The following DNER variants were observed in gnomAD, a reference collection of about 807,000 sequenced individuals.
DNER encodes delta and Notch-like epidermal growth factor-related receptor.
Under a neutral mutation model 78.2 loss-of-function variants are expected in DNER, and 33 were observed. The ratio of observed to expected loss-of-function variants is 0.42; its 90% CI spans 0.32 to 0.56. DNER has a LOEUF of 0.56. DNER is among the 20% of genes least tolerant of loss of function. The probability of loss-of-function intolerance (pLI) is 0.11; values close to 1 mark genes in which losing one functional copy is unlikely to be tolerated. For synonymous variants in DNER, 417 were observed against 384.8 expected (o/e 1.08, Z -0.98); for missense variants, 918 against 975.3 (o/e 0.94, Z 0.78).
chr2:229,598,309 C>T lies in DNER; in HGVS notation c.277-6421G>A, dbSNP rs559951690. Among the ~76,000 whole-genome samples, 4 of 152,356 alleles carry T rather than the reference C, an allele frequency of 2.6e-5. No individual in the cohort carries two copies. In the South Asian group the frequency reaches 8.3e-4, roughly 32 times the overall value. ...TTTTACAGACAACTCAATATGGCCA[C>T]TCAGCAATTCATGTGACATTTATCA... On this transcript the variant is annotated intron_variant, in intron 1 of 12. Transcript: ENST00000341772.
intron 1 of DNER, among the ~76,000 whole-genome samples, chr2:229,660,613 G>T (rs1194542593): frequency 3.3e-5 from 5 of 152,166 alleles, no homozygotes; most frequent in Non-Finnish European, 7.3e-5. Flanking sequence ...TGGTTGGGCA[G>T]AAAGGGAAGT....
chr2:229,540,712 A>G (rs377616187), intron 5 of DNER, among the ~76,000 whole-genome samples: 294 of 152,364 alleles, frequency 1.9e-3, no homozygotes, highest in Middle Eastern at 6.8e-3. Context: ...GAGATGTCAC[A>G]GAAGTCAGGA....
intron 8 of DNER, among the ~76,000 whole-genome samples, chr2:229,418,707 C>A (rs1292123952): frequency 6.6e-6 from 1 of 151,970 alleles, no homozygotes; most frequent in Non-Finnish European, 1.5e-5. Flanking sequence ...ATCACTTGAG[C>A]TCAGGAGTTC....
chr2:229,460,495 C>T (rs1397846298), intron 7 of DNER, among the ~76,000 whole-genome samples: 2 of 151,570 alleles, frequency 1.3e-5, no homozygotes, highest in African/African-American at 4.9e-5. Flanking sequence ...AAATACAAAC[C>T]TAAAGCCATA....
chr2:229,419,267 G>C (rs1559346611), intron 8 of DNER, among the ~76,000 whole-genome samples: 1 of 152,166 alleles, frequency 6.6e-6, no homozygotes, highest in South Asian at 2.1e-4. Context: ...TCATTCATGA[G>C]GGTTATGCTG....
At chr2:229,639,246 A>G (rs563841635) in intron 1 of DNER, among the ~76,000 whole-genome samples, 8 of 152,294 alleles carry the variant, frequency 5.3e-5, no homozygotes, top group South Asian at 2.1e-4. Flanking sequence ...TTTTCCCTCC[A>G]ACCATTTTAT....
At chr2:229,445,992 T>C (rs1431765760) in intron 8 of DNER, among the ~76,000 whole-genome samples, 1 of 152,236 alleles carries the variant, frequency 6.6e-6, no homozygotes, top group Non-Finnish European at 1.5e-5. Flanking sequence ...TCTCAGTAAC[T>C]TGTTGAGTTA....
intron 11 of DNER, among the ~76,000 whole-genome samples, chr2:229,386,603 A>G (rs1692870829): frequency 6.6e-6 from 1 of 151,956 alleles, no homozygotes; most frequent in African/African-American, 2.4e-5. Flanking sequence ...AGAATCTACA[A>G]AGAACTTAAA....
chr2:229,634,642 T>C (rs540815624), intron 1 of DNER, among the ~76,000 whole-genome samples: 9 of 152,166 alleles, frequency 5.9e-5, no homozygotes, highest in Admixed American at 4.6e-4. Context: ...TTAAAAAAAA[T>C]AGATTGGCAT....
chr2:229,622,655 T>A (rs777342151), intron 1 of DNER, among the ~76,000 whole-genome samples: 5 of 152,162 alleles, frequency 3.3e-5, no homozygotes, highest in Non-Finnish European at 5.9e-5. Context: ...AGGGTCTTTG[T>A]GGACATAGTT....
At chr2:229,448,189 A>G (rs190167798) in intron 7 of DNER, among the ~76,000 whole-genome samples, 198 of 152,336 alleles carry the variant, frequency 1.3e-3, no homozygotes, top group African/African-American at 4.4e-3. Flanking sequence ...CAGCAATAAA[A>G]AAAAAAATAA....
intron 11 of DNER, among the ~76,000 whole-genome samples, chr2:229,368,706 T>G (rs747535833): frequency 2.0e-5 from 3 of 152,200 alleles, no homozygotes; most frequent in Admixed American, 6.5e-5. Flanking sequence ...ATTTAATCAT[T>G]ATAACCACCA....
At chr2:229,695,749 T>C (rs1699653254) in intron 1 of DNER, among the ~76,000 whole-genome samples, 1 of 152,132 alleles carries the variant, frequency 6.6e-6, no homozygotes, top group Non-Finnish European at 1.5e-5. Context: ...AAAGCCGAAC[T>C]CGTTAGTGTC....
At chr2:229,611,452 T>C (rs1698046373) in intron 1 of DNER, among the ~76,000 whole-genome samples, 1 of 152,172 alleles carries the variant, frequency 6.6e-6, no homozygotes, top group African/African-American at 2.4e-5. Context: ...ATAAATTACA[T>C]AAGAAGTAAA....
chr2:229,709,061 T>C (rs950182870), intron 1 of DNER, among the ~76,000 whole-genome samples: 5 of 152,202 alleles, frequency 3.3e-5, no homozygotes, highest in Admixed American at 1.3e-4. Context: ...TAATTCATCC[T>C]AGTAGAGAGA....
intron 11 of DNER, among the ~76,000 whole-genome samples, chr2:229,387,875 GTGTGTGTGTGTGTGTGTT>G (rs1201148200): frequency 8.6e-6 from 1 of 115,686 alleles, no homozygotes; most frequent in African/African-American, 3.4e-5. Flanking sequence ...GTGTGTGTGT[GTGTGTGTGTGTGTGTGTT>G]TTTTAATTTT....
At chr2:229,404,433 C>T (rs1208549953) in intron 10 of DNER, among the ~76,000 whole-genome samples, 1 of 152,196 alleles carries the variant, frequency 6.6e-6, no homozygotes, top group Admixed American at 6.5e-5. Flanking sequence ...TACTCACTCA[C>T]TATCATGAGA....
intron 6 of DNER, among the ~76,000 whole-genome samples, chr2:229,492,064 T>TTG (rs1281783897): frequency 6.6e-6 from 1 of 152,116 alleles, no homozygotes; most frequent in Non-Finnish European, 1.5e-5. Flanking sequence ...TATTGTCTAG[T>TTG]CATCTTCCTC....
intron 5 of DNER, among the ~76,000 whole-genome samples, chr2:229,532,228 A>G (rs1696316646): frequency 6.6e-6 from 1 of 152,130 alleles, no homozygotes; most frequent in African/African-American, 2.4e-5. Flanking sequence ...CGCTCAGAAA[A>G]GGAAGGTTTC....
Sources: allele counts gnomAD v4.1 joint callset (sites outside exome capture counted in the v4.1 genomes callset), GRCh38; gene constraint gnomAD v4.1.1; transcripts MANE v1.5; gene names NCBI Gene and HGNC (gene_info 2026-07-23, HGNC 2026-07-21).